Variants in HEATR5B observed in about 807,000 individuals in gnomAD.
HEATR5B encodes the protein HEAT repeat containing 5B.
Under a neutral mutation model 224.1 loss-of-function variants are expected in HEATR5B, and 156 were observed. The ratio of observed to expected loss-of-function variants is 0.70; its 90% CI spans 0.61 to 0.80. The LOEUF (loss-of-function observed/expected upper bound fraction) is 0.80, where lower values mean the gene tolerates loss of function less well. Ranked by LOEUF, HEATR5B falls within the 30% of genes least tolerant of loss-of-function variation. The pLI is 0.00. For missense variants in HEATR5B, 2,323 were observed against 2,535.5 expected (o/e 0.92, Z 1.80); for synonymous variants, 1,027 against 893.0 (o/e 1.15, Z -2.68).
chr2:37,052,572 CTTAAG>C (rs1362227467), intron 17 of HEATR5B, among the ~76,000 whole-genome samples: 1 of 152,234 alleles, frequency 6.6e-6, no homozygotes, highest in Non-Finnish European at 1.5e-5. Flanking sequence ...TTCTTGCCTT[CTTAAG>C]TTGAGAACTT....
At position 37,038,917 on chromosome 2, in the gene HEATR5B, G is replaced by GA. The variant is rs369615835; in HGVS notation, c.3047-894_3047-893insT. Among the ~76,000 whole-genome samples the GA allele has an allele frequency of 2.8e-5, 4 of 141,866 alleles. 1 individual carries two copies. Among genetic ancestry groups the GA allele is most frequent in the African/African-American group, 1.1e-4 (4 of 37,738 alleles). The allele number at this position is 141,866 out of a possible 152,430, so 93.1% of individuals were successfully genotyped here. A position where few individuals can be genotyped will look rare whatever the true frequency, so the allele number is the denominator to read the frequency against. On this transcript the variant is annotated intron_variant, in intron 20 of 35. Coordinates refer to ENST00000233099, the MANE Select transcript of HEATR5B (RefSeq NM_019024.3). ...TCTGTCTCCCTGGGGTGGGGGGGGT[G>GA]GGGAATCACATATTTTTCAATTTCT...
intron 18 of HEATR5B, among the ~76,000 whole-genome samples, chr2:37,042,622 T>C (rs750644585): frequency 2.0e-5 from 3 of 152,206 alleles, no homozygotes; most frequent in Non-Finnish European, 4.4e-5. Context: ...CCGGGCACAG[T>C]GGCTCATGCC....
Position 37,064,748 on chromosome 2 carries a change from T to G in HEATR5B, c.1576A>C (p.Lys526Gln). Residue 526 changes from lysine to glutamine, a missense_variant, in exon 10 of 36, where the codon AAA becomes CAA. Lys to Gln is a moderately conservative substitution (Grantham distance 53). Transcript: ENST00000233099. ...HQCPLGIPHA[K>Q]GKMVVSIAED... is the part of the protein sequence containing the mutation. ...TAGGATCTCCGTCATACCTTTCCTT[T>G]GGCATGAGGAATGCCCAAAGGACAC... is the stretch of plus-strand genomic sequence containing the variant. The G allele has an allele frequency of 2.5e-6, 4 of 1,614,016 alleles. No individual in the cohort carries two copies. The highest frequency in any genetic ancestry group is 3.4e-6 in the Non-Finnish European group (4 of 1,179,958).
chr2:37,054,610 G>A lies in HEATR5B; in HGVS notation c.2400-1003C>T, dbSNP rs144696148. ...TATGATTCTCCTGCCTCAGCCTCCC[G>A]AGTAGCTGGGACTACAGGTGTTCGC... On this transcript the variant is annotated intron_variant, in intron 16 of 35. Transcript: ENST00000233099. Among the ~76,000 whole-genome samples, 475 of 149,444 alleles carry A rather than the reference G, an allele frequency of 3.2e-3. 2 individuals are homozygous for A. Among genetic ancestry groups the A allele is most frequent in the African/African-American group, 0.011 (434 of 40,460 alleles).
intron 18 of HEATR5B, among the ~76,000 whole-genome samples, chr2:37,047,410 C>A (rs1343716847): frequency 6.6e-6 from 1 of 152,132 alleles, no homozygotes; most frequent in Non-Finnish European, 1.5e-5. Context: ...TAGAAAGTTA[C>A]CTTTGTGTTA....
chr2:36,983,050 T>C (rs950419871), intron 35 of HEATR5B, among the ~76,000 whole-genome samples: 8 of 152,286 alleles, frequency 5.3e-5, no homozygotes, highest in African/African-American at 1.9e-4. Context: ...AGCCATCCAG[T>C]AACTATGCTT....
chr2:37,056,188 C>T (rs1056918049), intron 16 of HEATR5B, among the ~76,000 whole-genome samples: 3 of 151,848 alleles, frequency 2.0e-5, no homozygotes, highest in Non-Finnish European at 2.9e-5. Context: ...TTATAAAATA[C>T]AGTCCACAAT....
rs555099093 is a variant in HEATR5B, at chr2:36,996,883, T to A, written c.5545+3703A>T. Among the ~76,000 whole-genome samples, 5 of 152,206 alleles carry A rather than the reference T, an allele frequency of 3.3e-5. No homozygotes were observed. The East Asian group carries it at 9.7e-4, about 30-fold the overall frequency. ...CTGGGATTACAGGAGTGAGCCACTG[T>A]GCTTGGCCTAATTTTTGTATTTTTA... On this transcript the variant is annotated intron_variant, in intron 33 of 35. Transcript: ENST00000233099.
chr2:36,982,863 TACACACAC>T (rs3836070), intron 35 of HEATR5B, among the ~76,000 whole-genome samples: 2,687 of 126,032 alleles, frequency 0.021, 95 homozygotes, highest in African/African-American at 0.07. Context: ...CAGACACAGA[TACACACAC>T]ACACACACAC....
At chr2:36,997,174 GTTAA>G (rs1253159202) in intron 33 of HEATR5B, among the ~76,000 whole-genome samples, 2 of 152,002 alleles carry the variant, frequency 1.3e-5, no homozygotes, top group Admixed American at 6.6e-5. Flanking sequence ...ATGGGTAGAA[GTTAA>G]TTTTTTTGTT....
chr2:37,051,434 T>C (rs958814557), intron 17 of HEATR5B, among the ~76,000 whole-genome samples: 2 of 151,482 alleles, frequency 1.3e-5, no homozygotes. Context: ...TCATATTAAA[T>C]GTCACTCTCT....
chr2:37,027,766 G>T (rs913819543), intron 24 of HEATR5B, among the ~76,000 whole-genome samples, 157 bp downstream of exon 24: 1 of 152,144 alleles, frequency 6.6e-6, no homozygotes, highest in Non-Finnish European at 1.5e-5. Context: ...AGTATGCAGA[G>T]GGGACAGAAA....
chr2:37,055,585 TA>T (rs1179795033), intron 16 of HEATR5B, among the ~76,000 whole-genome samples: 1 of 152,206 alleles, frequency 6.6e-6, no homozygotes, highest in Non-Finnish European at 1.5e-5. Context: ...CTCCTCAAAT[TA>T]AAAAGCAATT....
At chr2:37,065,952 T>C (rs1410355643) in intron 8 of HEATR5B, 42 bp from the exon 9 acceptor site, 2 of 1,561,972 alleles carry the variant, frequency 1.3e-6, no homozygotes, top group East Asian at 2.3e-5. Context: ...GAGAAATGAA[T>C]TGTGGTATGA....
intron 34 of HEATR5B, among the ~76,000 whole-genome samples, chr2:36,989,232 C>T (rs561573737): frequency 3.7e-4 from 56 of 152,142 alleles, no homozygotes; most frequent in East Asian, 3.9e-4. Context: ...ATTACAGGTG[C>T]GCACCACCAC....
At chr2:37,081,395 GC>G (rs1181318137) in intron 2 of HEATR5B, among the ~76,000 whole-genome samples, 1 of 152,118 alleles carries the variant, frequency 6.6e-6, no homozygotes, top group African/African-American at 2.4e-5. Context: ...CTAAAGGGTA[GC>G]AACAACAACA....
chr2:36,992,630 C>A (rs1279539831), intron 33 of HEATR5B, among the ~76,000 whole-genome samples: 1 of 152,056 alleles, frequency 6.6e-6, no homozygotes, highest in Non-Finnish European at 1.5e-5. Flanking sequence ...CCCTGAAAAC[C>A]CCATCATAGG....
chr2:37,033,955 C>A lies in HEATR5B; in HGVS notation c.3217-1182G>T, dbSNP rs114628061. ...TATGTTCCATCTGCTGCTTTTCAAG[C>A]AAGGAAGTAATCTTTTAGAAAGAGT... On this transcript the variant is annotated intron_variant, in intron 21 of 35. Transcript: ENST00000233099. Among the ~76,000 whole-genome samples the A allele has an allele frequency of 6.0e-3, 911 of 152,178 alleles. 7 individuals carry two copies. Among genetic ancestry groups the A allele is most frequent in the African/African-American group, 0.021 (870 of 41,518 alleles).
chr2:36,995,623 C>A (rs1014824633), intron 33 of HEATR5B, among the ~76,000 whole-genome samples: 11 of 152,088 alleles, frequency 7.2e-5, no homozygotes, highest in Non-Finnish European at 1.5e-4. Context: ...AAACTTGTAA[C>A]TCTACCACCC....
Sources: gnomAD v4.1 joint callset for allele counts (sites outside exome capture counted in the v4.1 genomes callset) on GRCh38, gnomAD v4.1.1 for gene constraint, MANE v1.5 for transcripts, NCBI Gene and HGNC (gene_info 2026-07-23, HGNC 2026-07-21) for gene names.